SH3GL2: variants seen among roughly 807,000 people sequenced by gnomAD.
SH3GL2 encodes the protein SH3 domain containing GRB2 like 2, endophilin A1.
A neutral mutation model predicts 46.0 loss-of-function variants in SH3GL2; 24 were observed. That is an observed-to-expected ratio of 0.52 (90% CI 0.38 to 0.73). The LOEUF (loss-of-function observed/expected upper bound fraction) is 0.73. SH3GL2 is among the 30% of genes least tolerant of loss of function. The pLI is 0.00. For missense variants in SH3GL2, 413 were observed against 424.2 expected (o/e 0.97, Z 0.23); for synonymous variants, 196 against 147.1 (o/e 1.33, Z -2.40).
At chr9:17,595,617 TGTG>T (rs1271661028) in intron 1 of SH3GL2, among the ~76,000 whole-genome samples, 2 of 152,220 alleles carry the variant, frequency 1.3e-5, no homozygotes, top group East Asian at 1.9e-4. Context: ...TAGTAGTTAT[TGTG>T]GTGAAAAATT....
chr9:17,666,545 CGTGTGTGTGTGT>C (rs71331502), intron 1 of SH3GL2, among the ~76,000 whole-genome samples: 35 of 142,146 alleles, frequency 2.5e-4, no homozygotes, highest in East Asian at 8.3e-4. Context: ...ACAAAGGTAA[CGTGTGTGTGTGT>C]GTGTGTGTGT....
rs144759576 is a variant in SH3GL2 at position 17,647,411 on chromosome 9, T to TTCTCTC, written c.45+68136_45+68141dup. 9.2e-3 allele frequency among the ~76,000 whole-genome samples: 1,381 copies of TTCTCTC among 150,404 alleles called. 24 individuals are homozygous for TTCTCTC. The highest frequency in any genetic ancestry group is 0.027 in the African/African-American group (1,119 of 41,080). ...GCCCTGTGACAGAGCTCTTGTTAGT[T>TTCTCTC]TCTCTCTCTCTCTCTCTGTCTCTCT... is the stretch of plus-strand genomic sequence containing the variant. On this transcript the variant is annotated intron_variant, in intron 1 of 8. Coordinates refer to ENST00000380607, the MANE Select transcript of SH3GL2 (RefSeq NM_003026.5).
chr9:17,691,946 G>A (rs898484714), intron 1 of SH3GL2, among the ~76,000 whole-genome samples: 16 of 152,022 alleles, frequency 1.1e-4, no homozygotes, highest in African/African-American at 3.6e-4. Context: ...AATGGAAGAC[G>A]AGGACCTAAT....
chr9:17,730,770 C>T (rs918460068), intron 1 of SH3GL2, among the ~76,000 whole-genome samples: 4 of 150,452 alleles, frequency 2.7e-5, no homozygotes, highest in Non-Finnish European at 5.9e-5. Flanking sequence ...CTAAATATGA[C>T]GTGAATTGAT....
Position 17,796,047 on chromosome 9 carries a change from C to G in SH3GL2, c.*304C>G, listed in dbSNP as rs183945027. On this transcript the variant is annotated 3_prime_UTR_variant, in exon 9 of 9. Transcript: ENST00000380607. ...TGGTTTCTTAGAATATGACCATGAGCCATTTCACAGAAAAACCATCCCACC... is the reference window on the plus strand; with the variant it reads ...TGGTTTCTTAGAATATGACCATGAGGCATTTCACAGAAAAACCATCCCACC... 92 of 313,082 alleles carry G rather than the reference C, an allele frequency of 2.9e-4. No homozygotes were observed. The Admixed American group carries it at 3.9e-3, about 13-fold the overall frequency. The allele number at this position is 313,082 out of a possible 1,614,324, so 19.4% of individuals were successfully genotyped here. A position where few individuals can be genotyped will look rare whatever the true frequency, so the allele number is the denominator to read the frequency against.
chr9:17,721,797 T>A (rs1536074), intron 1 of SH3GL2, among the ~76,000 whole-genome samples: 151,159 of 152,144 alleles, frequency 0.99, 75,091 homozygotes, highest in Middle Eastern at 1. Context: ...TCCGTAACAC[T>A]TGAGCCAATT....
intron 1 of SH3GL2, among the ~76,000 whole-genome samples, chr9:17,664,160 T>G (rs1339581482): frequency 6.6e-6 from 1 of 152,188 alleles, no homozygotes; most frequent in Non-Finnish European, 1.5e-5. Flanking sequence ...AAGAAATAGT[T>G]GGAGTGCTAT....
chr9:17,783,220 A>T (rs546301928), intron 3 of SH3GL2, among the ~76,000 whole-genome samples: 1 of 152,130 alleles, frequency 6.6e-6, no homozygotes, highest in African/African-American at 2.4e-5. Context: ...CTGGATTTTT[A>T]GCTATGTCTG....
chr9:17,793,934 A>C (rs1824203962), intron 8 of SH3GL2, among the ~76,000 whole-genome samples: 1 of 152,252 alleles, frequency 6.6e-6, no homozygotes. Flanking sequence ...CACAGACAGC[A>C]AGCGGCTCCA....
intron 1 of SH3GL2, among the ~76,000 whole-genome samples, chr9:17,683,546 T>A (rs1820828571): frequency 1.3e-5 from 2 of 151,870 alleles, no homozygotes; most frequent in Non-Finnish European, 2.9e-5. Flanking sequence ...ATTAGAGATC[T>A]CCTAACATTG....
rs1375200831 is a variant in SH3GL2, at chr9:17,648,888, C to T, written c.45+69601C>T. ...TAGAAACAAAGTTCTGTAGACTACTCATCATATCAATCATTTTTTCCCAAA... is the reference window on the plus strand; with the variant it reads ...TAGAAACAAAGTTCTGTAGACTACTTATCATATCAATCATTTTTTCCCAAA... On this transcript the variant is annotated intron_variant, in intron 1 of 8. Transcript: ENST00000380607. 4.6e-5 allele frequency among the ~76,000 whole-genome samples: 7 copies of T among 152,200 alleles called. 1 individual carries two copies. In the South Asian group the frequency reaches 1.4e-3, roughly 32 times the overall value.
At chr9:17,587,339 C>T (rs1818397334) in intron 1 of SH3GL2, among the ~76,000 whole-genome samples, 1 of 152,168 alleles carries the variant, frequency 6.6e-6, no homozygotes, top group African/African-American at 2.4e-5. Context: ...ATTGTGAAAT[C>T]CCCTGCCTGC....
intron 1 of SH3GL2, among the ~76,000 whole-genome samples, chr9:17,584,890 T>C (rs1455869614): frequency 1.3e-5 from 2 of 152,248 alleles, no homozygotes; most frequent in Non-Finnish European, 2.9e-5. Flanking sequence ...TGCAAGCTTT[T>C]TTCCCCATAG....
chr9:17,784,793 G>A (rs542759385), intron 3 of SH3GL2, among the ~76,000 whole-genome samples: 34 of 152,184 alleles, frequency 2.2e-4, no homozygotes, highest in African/African-American at 7.0e-4. Flanking sequence ...GCTCACTACC[G>A]CCTCAAACTC....
At chr9:17,680,094 T>C (rs367914244) in intron 1 of SH3GL2, among the ~76,000 whole-genome samples, 15,301 of 152,150 alleles carry the variant, frequency 0.1, 955 homozygotes, top group Admixed American at 0.18. Context: ...AATTCTCTTT[T>C]TTTGTTGTGT....
At chr9:17,759,476 T>G (rs1823106471) in intron 2 of SH3GL2, among the ~76,000 whole-genome samples, 1 of 152,132 alleles carries the variant, frequency 6.6e-6, no homozygotes, top group Non-Finnish European at 1.5e-5. Flanking sequence ...TAGGAAGAGC[T>G]TTTGCTTTCA....
intron 7 of SH3GL2, among the ~76,000 whole-genome samples, chr9:17,792,429 T>C (rs1824157835): frequency 6.6e-6 from 1 of 152,206 alleles, no homozygotes; most frequent in African/African-American, 2.4e-5. Context: ...ACAGTTACCA[T>C]ACCCTAAACC....
intron 1 of SH3GL2, among the ~76,000 whole-genome samples, chr9:17,620,014 A>G (rs769272819): frequency 1.3e-5 from 2 of 151,884 alleles, no homozygotes; most frequent in African/African-American, 2.4e-5. Context: ...ATGATTGGAA[A>G]TTTAGTATGA....
chr9:17,668,927 G>A lies in SH3GL2; in HGVS notation c.46-78139G>A, dbSNP rs368538794. ...CCTGCCTTGGCATCCGAGAGGGCTG[G>A]GATTACACAGGTGAGTCACCATGCC... On this transcript the variant is annotated intron_variant, in intron 1 of 8. Coordinates refer to ENST00000380607, the MANE Select transcript of SH3GL2 (RefSeq NM_003026.5). Among the ~76,000 whole-genome samples the A allele has an allele frequency of 2.8e-3, 422 of 152,214 alleles. 2 individuals carry two copies. The highest frequency in any genetic ancestry group is 7.8e-3 in the African/African-American group (323 of 41,540).
Sources: gnomAD v4.1 joint callset for allele counts (sites outside exome capture counted in the v4.1 genomes callset) on GRCh38, gnomAD v4.1.1 for gene constraint, MANE v1.5 for transcripts, NCBI Gene and HGNC (gene_info 2026-07-23, HGNC 2026-07-21) for gene names.